Variants in PCDH9 observed in about 807,000 individuals in gnomAD.
PCDH9 encodes protocadherin-9.
Under a neutral mutation model 70.6 loss-of-function variants are expected in PCDH9, and 24 were observed. That is an observed-to-expected ratio of 0.34 (90% CI 0.25 to 0.48). The LOEUF (loss-of-function observed/expected upper bound fraction) is 0.48, where lower values mean the gene tolerates loss of function less well. PCDH9 is among the 20% of genes least tolerant of loss of function. The pLI is 0.99. For missense variants in PCDH9, 1,281 were observed against 1,503.6 expected (o/e 0.85, Z 2.45); for synonymous variants, 562 against 558.5 (o/e 1.01, Z -0.09).
At position 66,887,483 on chromosome 13, in the gene PCDH9, G is replaced by A. The variant is rs577094162; in HGVS notation, c.3138+16021C>T. On this transcript the variant is annotated intron_variant, in intron 3 of 4. Coordinates refer to ENST00000377865, the MANE Select transcript of PCDH9 (RefSeq NM_203487.3). ...ATATTTGTATAATGTGGAGATGTTA[G>A]TAAAGGCATTTTGAAATTTTCAAAC... is the stretch of plus-strand genomic sequence containing the variant. Among the ~76,000 whole-genome samples the A allele has an allele frequency of 3.9e-5, 6 of 152,280 alleles. No homozygotes were observed. In the South Asian group the frequency reaches 1.2e-3, roughly 32 times the overall value.
intron 4 of PCDH9, among the ~76,000 whole-genome samples, chr13:66,463,182 T>A (rs1176184614): frequency 6.6e-6 from 1 of 151,792 alleles, no homozygotes; most frequent in Non-Finnish European, 1.5e-5. Flanking sequence ...TGCCTATCCC[T>A]CCCTATGAAG....
chr13:67,118,965 G>A (rs1454219056), intron 2 of PCDH9, among the ~76,000 whole-genome samples: 1 of 152,128 alleles, frequency 6.6e-6, no homozygotes, highest in Non-Finnish European at 1.5e-5. Flanking sequence ...CATTAATTTA[G>A]TTGTGCTTGG....
chr13:66,982,944 T>C (rs1203769789), intron 2 of PCDH9, among the ~76,000 whole-genome samples: 3 of 152,186 alleles, frequency 2.0e-5, no homozygotes, highest in Admixed American at 6.5e-5. Flanking sequence ...AATTTGAAGA[T>C]GTTATTAGAG....
Position 66,932,008 on chromosome 13 carries a change from A to G in PCDH9, c.3037-28403T>C, listed in dbSNP as rs376395144. The stretch of plus-strand genomic sequence containing the variant: ...TGTGTTTGAATAAAACAGTTATATT[A>G]TTATGAATGAAGTATATGGTAGATT... On this transcript the variant is annotated intron_variant, in intron 2 of 4. Transcript: ENST00000377865. 9.2e-5 allele frequency among the ~76,000 whole-genome samples: 14 copies of G among 152,248 alleles called. No individual in the cohort carries two copies. In the South Asian group the frequency reaches 1.2e-3, roughly 14 times the overall value.
chr13:66,942,599 C>T (rs1302015222), intron 2 of PCDH9, among the ~76,000 whole-genome samples: 1 of 151,948 alleles, frequency 6.6e-6, no homozygotes, highest in Non-Finnish European at 1.5e-5. Context: ...ATGAAAGCGT[C>T]ATCTCTGTAA....
chr13:66,587,332 T>C (rs889469444), intron 4 of PCDH9, among the ~76,000 whole-genome samples: 4 of 151,456 alleles, frequency 2.6e-5, no homozygotes, highest in Admixed American at 6.6e-5. Flanking sequence ...AAAAAGACTA[T>C]GGTATAAATC....
At chr13:66,974,639 T>C (rs2083583673) in intron 2 of PCDH9, among the ~76,000 whole-genome samples, 1 of 152,032 alleles carries the variant, frequency 6.6e-6, no homozygotes, top group African/African-American at 2.4e-5. Flanking sequence ...TGGCAAATTG[T>C]TTGTGACCTA....
intron 2 of PCDH9, among the ~76,000 whole-genome samples, chr13:67,134,490 C>T (rs963354820): frequency 6.6e-6 from 1 of 152,098 alleles, no homozygotes; most frequent in African/African-American, 2.4e-5. Flanking sequence ...TGAGATGACC[C>T]TAGAGAATCA....
At chr13:66,741,637 A>T (rs2079264863) in intron 3 of PCDH9, among the ~76,000 whole-genome samples, 1 of 22,304 alleles carries the variant, frequency 4.5e-5, no homozygotes, top group Non-Finnish European at 1.4e-4. Context: ...AAGCAACTTC[A>T]GCAAAGTCTC....
At position 66,773,132 on chromosome 13, in the gene PCDH9, A is replaced by G. The variant is rs1253502665; in HGVS notation, c.3138+130372T>C. On this transcript the variant is annotated intron_variant, in intron 3 of 4. Coordinates refer to ENST00000377865, the MANE Select transcript of PCDH9 (RefSeq NM_203487.3). ...GCCAGCCGGTGTGTCTTTCATGTATAACTGTTTCCATCACATCAAAGACAA... is the reference window on the plus strand; with the variant it reads ...GCCAGCCGGTGTGTCTTTCATGTATGACTGTTTCCATCACATCAAAGACAA... Among the ~76,000 whole-genome samples, 19 of 152,214 alleles carry G rather than the reference A, an allele frequency of 1.2e-4. 1 individual carries two copies. The highest frequency in any genetic ancestry group is 1.2e-3 in the South Asian group (6 of 4,826).
rs112679843 is a variant in PCDH9, at chr13:66,465,724, T to G, written c.3341-160696A>C. Among the ~76,000 whole-genome samples, 619 of 152,022 alleles carry G rather than the reference T, an allele frequency of 4.1e-3. 6 individuals are homozygous for G. Among genetic ancestry groups the G allele is most frequent in the African/African-American group, 0.014 (594 of 41,528 alleles). ...TATTATTAAAAGTATGAAATTTCCTTTCATTATCTACATAATGCCAGATAA... is the reference window on the plus strand; with the variant it reads ...TATTATTAAAAGTATGAAATTTCCTGTCATTATCTACATAATGCCAGATAA... On this transcript the variant is annotated intron_variant, in intron 4 of 4. Transcript: ENST00000377865.
intron 2 of PCDH9, among the ~76,000 whole-genome samples, chr13:67,197,012 A>C (rs941204218): frequency 6.6e-6 from 1 of 152,072 alleles, no homozygotes; most frequent in African/African-American, 2.4e-5. Context: ...TGAACAGGAA[A>C]AAATACCTTT....
intron 2 of PCDH9, among the ~76,000 whole-genome samples, chr13:67,165,554 C>T (rs1262012870): frequency 1.3e-5 from 2 of 151,912 alleles, no homozygotes; most frequent in African/African-American, 4.8e-5. Context: ...GCTTACATGG[C>T]AGAACTGAGA....
chr13:66,782,902 C>T (rs558053844), intron 3 of PCDH9: 12 of 152,306 alleles, frequency 7.9e-5, no homozygotes, highest in African/African-American at 2.9e-4. Context: ...ACCCGCTATA[C>T]AGCTATGGCT....
intron 4 of PCDH9, among the ~76,000 whole-genome samples, chr13:66,626,661 A>G (rs531623518): frequency 6.6e-6 from 1 of 152,336 alleles, no homozygotes; most frequent in Non-Finnish European, 1.5e-5. Flanking sequence ...TGGAAGAAAA[A>G]AAAGAAAGCT....
intron 4 of PCDH9, among the ~76,000 whole-genome samples, chr13:66,608,735 C>T (rs1023058733): frequency 2.6e-5 from 4 of 151,854 alleles, no homozygotes; most frequent in African/African-American, 9.7e-5. Context: ...GGCAAAAAGA[C>T]CTCCGTATCA....
chr13:67,147,399 G>C (rs533810901), intron 2 of PCDH9, among the ~76,000 whole-genome samples: 1 of 152,162 alleles, frequency 6.6e-6, no homozygotes, highest in African/African-American at 2.4e-5. Flanking sequence ...CAGATATAAA[G>C]CTGGGAATGT....
At position 66,745,406 on chromosome 13, in the gene PCDH9, ATTCAACAAATGGT is replaced by A. The variant is rs2079345495; in HGVS notation, c.3139-114008_3139-113996del. Among the ~76,000 whole-genome samples the A allele has an allele frequency of 2.0e-5, 3 of 152,326 alleles. No individual in the cohort carries two copies. In the South Asian group the frequency reaches 6.2e-4, roughly 32 times the overall value. On this transcript the variant is annotated intron_variant, in intron 3 of 4. Coordinates refer to ENST00000377865, the MANE Select transcript of PCDH9 (RefSeq NM_203487.3). ...AAATGTGACCGGAATAATATGCCTGATTCAACAAATGGTAAATTGCGCCTGACCAGGAGTTTTC... is the reference window on the plus strand; with the variant it reads ...AAATGTGACCGGAATAATATGCCTGAAAATTGCGCCTGACCAGGAGTTTTC...
intron 2 of PCDH9, among the ~76,000 whole-genome samples, chr13:66,920,699 G>A (rs904915288): frequency 6.6e-6 from 1 of 151,202 alleles, no homozygotes; most frequent in Admixed American, 6.6e-5. Flanking sequence ...CTGCATTTAT[G>A]TAACATGGAT....
Sources: gnomAD v4.1 joint callset for allele counts (sites outside exome capture counted in the v4.1 genomes callset) on GRCh38, gnomAD v4.1.1 for gene constraint, MANE v1.5 for transcripts, NCBI Gene and HGNC (gene_info 2026-07-23, HGNC 2026-07-21) for gene names.